The following CMIP variants were observed in gnomAD, a reference collection of about 807,000 sequenced individuals.
CMIP encodes the protein C-Maf-inducing protein.
A neutral mutation model predicts 97.3 loss-of-function variants in CMIP; 13 were observed. The observed-to-expected ratio is 0.13, with a 90% CI of 0.09 to 0.21. The LOEUF is 0.21. CMIP is among the 10% of genes least tolerant of loss of function. The pLI, the probability that CMIP is intolerant of heterozygous loss-of-function variation, is 1.00. For missense variants in CMIP, 847 were observed against 1,024.9 expected, an observed-to-expected ratio of 0.83 and a Z score of 2.37; for synonymous variants, 538 against 436.3, an observed-to-expected ratio of 1.23 and a Z score of -2.91.
At chr16:81,584,891 C>T (rs1159535222) in intron 1 of CMIP, among the ~76,000 whole-genome samples, 1 of 152,184 alleles carries the variant, frequency 6.6e-6, no homozygotes, top group African/African-American at 2.4e-5. Flanking sequence ...GAGTCAACTC[C>T]CCCAACTGTT....
At position 81,561,234 on chromosome 16, in the gene CMIP, C is replaced by T. The variant is rs529558318; in HGVS notation, c.301-46333C>T. On this transcript the variant is annotated intron_variant, in intron 1 of 20. Transcript: ENST00000537098. ...CTTCCCAAAGTGCTGGGATTGCAGG[C>T]GTGAGTCAGTGTGCCTGGCCATGAC... 2.6e-5 allele frequency among the ~76,000 whole-genome samples: 4 copies of T among 152,304 alleles called. No individual in the cohort carries two copies. In the South Asian group the frequency reaches 8.3e-4, roughly 32 times the overall value.
At chr16:81,591,488 C>G (rs1332467809) in intron 1 of CMIP, among the ~76,000 whole-genome samples, 1 of 152,148 alleles carries the variant, frequency 6.6e-6, no homozygotes. Flanking sequence ...CACTACTTAG[C>G]GATTCAAAGA....
At chr16:81,650,305 G>T (rs551937013) in intron 3 of CMIP, among the ~76,000 whole-genome samples, 17 of 152,318 alleles carry the variant, frequency 1.1e-4, no homozygotes, top group African/African-American at 3.4e-4. Context: ...CCTATGAGAA[G>T]AGCTGATCTC....
intron 1 of CMIP, among the ~76,000 whole-genome samples, 188 bp from the exon 2 acceptor site, chr16:81,607,379 C>T (rs751280979): frequency 1.3e-5 from 2 of 152,214 alleles, no homozygotes; most frequent in African/African-American, 2.4e-5. Flanking sequence ...CAGTGAACCC[C>T]CTTGCAGCTG....
chr16:81,501,766 C>T (rs2089617643), intron 1 of CMIP, among the ~76,000 whole-genome samples: 1 of 152,120 alleles, frequency 6.6e-6, no homozygotes, highest in African/African-American at 2.4e-5. Flanking sequence ...TGCATGCCAC[C>T]ATACCCAGCT....
intron 1 of CMIP, among the ~76,000 whole-genome samples, chr16:81,479,258 A>G (rs796227742): frequency 1.1e-4 from 17 of 152,152 alleles, no homozygotes; most frequent in South Asian, 2.1e-4. Flanking sequence ...GTCATCTCCT[A>G]TGGTAAGGAG....
chr16:81,664,666 C>T (rs1295402190), intron 7 of CMIP: 5 of 559,718 alleles, frequency 8.9e-6, no homozygotes, highest in South Asian at 7.8e-5. Context: ...GGACCCAGAG[C>T]GCGACTTTGC....
At chr16:81,454,411 G>A (rs552973967) in intron 1 of CMIP, among the ~76,000 whole-genome samples, 1 of 152,218 alleles carries the variant, frequency 6.6e-6, no homozygotes, top group Non-Finnish European at 1.5e-5. Flanking sequence ...AGATGCACAT[G>A]AAACTATTTC....
Position 81,710,880 on chromosome 16 carries a change from C to T in CMIP, c.*1081C>T, listed in dbSNP as rs1292092440. 6.6e-6 allele frequency: 1 copy of T among 152,232 alleles called. No homozygotes were observed. Among genetic ancestry groups the T allele is most frequent in the Non-Finnish European group, 1.5e-5 (1 of 68,082 alleles). 9.4% of individuals were successfully genotyped at this position (152,232 alleles called of 1,614,324 possible). ...CTGTCAGCCTTTGCTGTCCCCTGTC[C>T]CCAACGGAGACTCTGTCACCCCTGG... On this transcript the variant is annotated 3_prime_UTR_variant, in exon 21 of 21. Coordinates refer to ENST00000537098, the MANE Select transcript of CMIP (RefSeq NM_198390.3).
At chr16:81,527,024 A>G (rs2925988) in intron 1 of CMIP, among the ~76,000 whole-genome samples, 6,086 of 152,300 alleles carry the variant, frequency 0.04, 190 homozygotes, top group African/African-American at 0.082. Flanking sequence ...CTGGTTTCTG[A>G]AGAAGTTGCA....
intron 9 of CMIP, 57 bp from the exon 10 acceptor site, chr16:81,678,218 A>G (rs1174998472): frequency 1.5e-6 from 2 of 1,338,180 alleles, no homozygotes; most frequent in Admixed American, 2.3e-5. Flanking sequence ...CTGATGGGTC[A>G]TGGTGCATCA....
rs139925802 is a variant in CMIP, at chr16:81,486,132, G to C, written c.300+40591G>C. On this transcript the variant is annotated intron_variant, in intron 1 of 20. Transcript: ENST00000537098. ...TGGTTTGCACGTTCATTGCCTGCTG[G>C]CCAGAGCGAGCTGGTGTGTCAGACT... Among the ~76,000 whole-genome samples the C allele has an allele frequency of 3.4e-3, 523 of 152,354 alleles. 5 individuals are homozygous for C. The highest frequency in any genetic ancestry group is 0.012 in the African/African-American group (494 of 41,578).
chr16:81,497,339 G>T (rs1597476690), intron 1 of CMIP, among the ~76,000 whole-genome samples: 1 of 152,322 alleles, frequency 6.6e-6, no homozygotes, highest in East Asian at 1.9e-4. Context: ...CCTCATGGAT[G>T]AGTGATTGTT....
At chr16:81,681,403 C>A (rs1904860406) in intron 10 of CMIP, among the ~76,000 whole-genome samples, 1 of 152,218 alleles carries the variant, frequency 6.6e-6, no homozygotes, top group South Asian at 2.1e-4. Flanking sequence ...TCAAGTCTCA[C>A]CCGTGCCACA....
At chr16:81,605,099 C>T (rs991607383) in intron 1 of CMIP, among the ~76,000 whole-genome samples, 2 of 152,126 alleles carry the variant, frequency 1.3e-5, no homozygotes, top group East Asian at 3.9e-4. Flanking sequence ...ACCACCAAGC[C>T]CTGGCTTCTC....
chr16:81,628,757 A>C (rs1423828651), intron 3 of CMIP, among the ~76,000 whole-genome samples: 1 of 152,194 alleles, frequency 6.6e-6, no homozygotes, highest in Non-Finnish European at 1.5e-5. Context: ...CTCGTGGCAC[A>C]TCTGGGTAGA....
At chr16:81,578,203 C>G (rs1049303331) in intron 1 of CMIP, among the ~76,000 whole-genome samples, 3 of 151,568 alleles carry the variant, frequency 2.0e-5, no homozygotes, top group African/African-American at 7.3e-5. Context: ...GTCACCATCA[C>G]CATCATCACC....
At position 81,620,770 on chromosome 16, in the gene CMIP, A is replaced by G. The variant is rs534736745; in HGVS notation, c.427-106A>G. ...CAGGCTTGTTAGGGTCACAGGGCAG[A>G]CGCTGTCTACAGAGCAGGCTTGGGG... On this transcript the variant is annotated intron_variant, in intron 2 of 20. Coordinates refer to ENST00000537098, the MANE Select transcript of CMIP (RefSeq NM_198390.3). The G allele has an allele frequency of 2.2e-6, 3 of 1,341,440 alleles. No individual in the cohort carries two copies. The Admixed American group carries it at 5.6e-5, about 25-fold the overall frequency. The allele number at this position is 1,341,440 out of a possible 1,614,324, so 83.1% of individuals were successfully genotyped here. A position where few individuals can be genotyped will look rare whatever the true frequency, so the allele number is the denominator to read the frequency against.
At chr16:81,567,980 C>T (rs2091012353) in intron 1 of CMIP, among the ~76,000 whole-genome samples, 1 of 149,712 alleles carries the variant, frequency 6.7e-6, no homozygotes, top group Non-Finnish European at 1.5e-5. Flanking sequence ...GTATCCTCTT[C>T]CAGGGATGCT....
Sources: gnomAD v4.1 joint callset for allele counts (sites outside exome capture counted in the v4.1 genomes callset) on GRCh38, gnomAD v4.1.1 for gene constraint, MANE v1.5 for transcripts, NCBI Gene and HGNC (gene_info 2026-07-23, HGNC 2026-07-21) for gene names.